SEZ6L: variants seen among roughly 807,000 people sequenced by gnomAD.
The protein encoded by SEZ6L is seizure related 6 homolog like.
A neutral mutation model predicts 106.2 loss-of-function variants in SEZ6L; 37 were observed. The ratio of observed to expected loss-of-function variants is 0.35; its 90% confidence interval spans 0.27 to 0.46. The LOEUF (loss-of-function observed/expected upper bound fraction) is 0.46, where lower values mean the gene tolerates loss of function less well. Among genes scored for constraint, SEZ6L ranks in the 20% least tolerant of loss-of-function variants. The pLI is 1.00. For synonymous variants in SEZ6L, 541 were observed against 570.4 expected (o/e 0.95, Z 0.73); for missense variants, 1,172 against 1,332.8 (o/e 0.88, Z 1.88).
intron 13 of SEZ6L, among the ~76,000 whole-genome samples, chr22:26,368,470 G>A (rs924318701): frequency 6.6e-6 from 1 of 152,200 alleles, no homozygotes; most frequent in Non-Finnish European, 1.5e-5. Context: ...CCTCAAAGCC[G>A]TTATGCTGAG....
chr22:26,348,475 A>C (rs2083081780), intron 11 of SEZ6L, among the ~76,000 whole-genome samples: 2 of 139,786 alleles, frequency 1.4e-5, no homozygotes, highest in African/African-American at 5.7e-5. Context: ...CCTGGGTGAC[A>C]GAGCAAAACC....
intron 1 of SEZ6L, among the ~76,000 whole-genome samples, chr22:26,195,500 G>A (rs1395104328): frequency 6.6e-6 from 1 of 152,116 alleles, no homozygotes; most frequent in Non-Finnish European, 1.5e-5. Flanking sequence ...TATGTAAAGT[G>A]TTTGGCACTG....
chr22:26,300,139 A>C (rs1437058131), intron 5 of SEZ6L, among the ~76,000 whole-genome samples: 1 of 146,348 alleles, frequency 6.8e-6, no homozygotes, highest in Non-Finnish European at 1.5e-5. Flanking sequence ...GGAGATGTCT[A>C]GTCAGGTCCT....
chr22:26,293,213 T>G, intron 2 of SEZ6L, 67 bp downstream of exon 2: 2 of 1,449,518 alleles, frequency 1.4e-6, no homozygotes, highest in Non-Finnish European at 9.0e-7. Context: ...GTTCAGGGCA[T>G]GTGGGTAGAG....
intron 1 of SEZ6L, among the ~76,000 whole-genome samples, chr22:26,254,526 G>A (rs1469187226): frequency 2.0e-5 from 3 of 152,156 alleles, no homozygotes; most frequent in East Asian, 3.9e-4. Flanking sequence ...GCCACGGCGG[G>A]AGGATTGCTT....
intron 9 of SEZ6L, 52 bp from the exon 10 acceptor site, chr22:26,340,384 T>C: frequency 6.6e-7 from 1 of 1,515,518 alleles, no homozygotes; most frequent in Non-Finnish European, 8.9e-7. Context: ...AAGGGTTTAT[T>C]GAATGCCCAT....
At chr22:26,283,998 TCAGA>T (rs2080853853) in intron 1 of SEZ6L, among the ~76,000 whole-genome samples, 1 of 152,260 alleles carries the variant, frequency 6.6e-6, no homozygotes, top group African/African-American at 2.4e-5. Flanking sequence ...TTGTAAATGT[TCAGA>T]CAGATAGAAA....
At chr22:26,326,471 C>T (rs1295300392) in intron 9 of SEZ6L, among the ~76,000 whole-genome samples, 1 of 152,186 alleles carries the variant, frequency 6.6e-6, no homozygotes, top group Non-Finnish European at 1.5e-5. Context: ...CTCACGTGCC[C>T]TTACCTTTGT....
At chr22:26,267,742 G>C (rs1009433397) in intron 1 of SEZ6L, among the ~76,000 whole-genome samples, 2 of 152,170 alleles carry the variant, frequency 1.3e-5, no homozygotes, top group Non-Finnish European at 2.9e-5. Flanking sequence ...GTGAATTTGG[G>C]CATTGCTAGC....
chr22:26,375,734 A>C, intron 15 of SEZ6L, 45 bp downstream of exon 15: 1 of 1,458,116 alleles, frequency 6.9e-7, no homozygotes, highest in African/African-American at 1.4e-5. Context: ...CCCAGCCACC[A>C]GTACTCAGAG....
chr22:26,361,879 C>T (rs768547758), intron 12 of SEZ6L, among the ~76,000 whole-genome samples: 2 of 152,082 alleles, frequency 1.3e-5, no homozygotes, highest in Non-Finnish European at 2.9e-5. Context: ...TACCAGGTTG[C>T]CAAGGATGCA....
chr22:26,307,032 A>C (rs1399396468), intron 6 of SEZ6L, among the ~76,000 whole-genome samples: 2 of 152,210 alleles, frequency 1.3e-5, no homozygotes, highest in South Asian at 4.1e-4. Flanking sequence ...GAGATTGTGA[A>C]TACCAGCTGC....
chr22:26,346,505 T>C (rs1187443032), intron 10 of SEZ6L, among the ~76,000 whole-genome samples: 5 of 152,218 alleles, frequency 3.3e-5, no homozygotes, highest in African/African-American at 1.2e-4. Context: ...GCAGTAAACA[T>C]TTATCATCTT....
rs2084414173 is a variant in SEZ6L, at chr22:26,381,658, A to C, written c.*1363A>C. ...ATCAGGGTCTGTTTTCCCCCAACCC[A>C]GTGAAACCGGTGAGTGTGTAACTCT... On this transcript the variant is annotated 3_prime_UTR_variant, in exon 17 of 17. Coordinates refer to ENST00000248933, the MANE Select transcript of SEZ6L (RefSeq NM_021115.5). 6.3e-6 allele frequency: 1 copy of C among 159,958 alleles called. No homozygotes were observed. The highest frequency in any genetic ancestry group is 1.8e-4 in the South Asian group (1 of 5,542). The allele number at this position is 159,958 out of a possible 1,614,324, so 9.9% of individuals were successfully genotyped here. A position where few individuals can be genotyped will look rare whatever the true frequency, so the allele number is the denominator to read the frequency against.
intron 1 of SEZ6L, among the ~76,000 whole-genome samples, chr22:26,233,563 C>T (rs5997056): frequency 2.2e-4 from 34 of 152,220 alleles, no homozygotes; most frequent in Non-Finnish European, 3.4e-4. Flanking sequence ...GTCGAGCATG[C>T]GGACCAAGGT....
At chr22:26,233,325 CT>C (rs1367284543) in intron 1 of SEZ6L, among the ~76,000 whole-genome samples, 1 of 152,188 alleles carries the variant, frequency 6.6e-6, no homozygotes, top group Non-Finnish European at 1.5e-5. Context: ...GTGATCCCCC[CT>C]GGCACATCTT....
chr22:26,305,862 C>A, intron 5 of SEZ6L, 117 bp from the exon 6 acceptor site: 1 of 1,116,234 alleles, frequency 9.0e-7, no homozygotes, highest in Non-Finnish European at 1.3e-6. Flanking sequence ...GGGTGGGGAT[C>A]AGGGGAGAAT....
At chr22:26,309,630 G>C (rs2081750000) in intron 6 of SEZ6L, among the ~76,000 whole-genome samples, 1 of 152,100 alleles carries the variant, frequency 6.6e-6, no homozygotes, top group Admixed American at 6.5e-5. Context: ...CCAAGCTGGA[G>C]TGCAGTGGCT....
intron 9 of SEZ6L, among the ~76,000 whole-genome samples, chr22:26,332,147 GTTT>G (rs752520660): frequency 0.17 from 19,844 of 113,996 alleles, 1,296 homozygotes; most frequent in East Asian, 0.42. Flanking sequence ...GATTTTCAAT[GTTT>G]TTTTTTTTTT....
Sources: allele counts gnomAD v4.1 joint callset (sites outside exome capture counted in the v4.1 genomes callset), GRCh38; gene constraint gnomAD v4.1.1; transcripts MANE v1.5; gene names NCBI Gene and HGNC (gene_info 2026-07-23, HGNC 2026-07-21).